The following KANSL1 variants were observed in gnomAD, a reference collection of about 807,000 sequenced individuals.
The protein encoded by KANSL1 is KAT8 regulatory NSL complex subunit 1, also known as MLL1/MLL complex subunit KANSL1.
KANSL1 carries 22 observed loss-of-function variants against 103.6 expected under a neutral mutation model. The observed-to-expected ratio is 0.21, with a 90% CI of 0.15 to 0.30. KANSL1 has a LOEUF of 0.30. Ranked by LOEUF, KANSL1 falls within the 10% of genes least tolerant of loss-of-function variation. The pLI, the probability that KANSL1 is intolerant of heterozygous loss-of-function variation, is 1.00. For missense variants in KANSL1, 1,337 were observed against 1,399.8 expected (o/e 0.96, Z 0.72); for synonymous variants, 600 against 527.6 (o/e 1.14, Z -1.88).
intron 4 of KANSL1, among the ~76,000 whole-genome samples, chr17:46,078,224 C>G (rs2078859880): frequency 6.6e-6 from 1 of 152,198 alleles, no homozygotes; most frequent in Admixed American, 6.5e-5. Context: ...TTCTTTAACT[C>G]TTTAAGTGTG....
intron 1 of KANSL1, among the ~76,000 whole-genome samples, chr17:46,184,965 G>C (rs1006644264): frequency 1.3e-5 from 2 of 151,164 alleles, no homozygotes; most frequent in African/African-American, 4.9e-5. Flanking sequence ...TCAGCCTCCT[G>C]AGTAGCTGGG....
chr17:46,123,822 T>G (rs1303153138), intron 2 of KANSL1, among the ~76,000 whole-genome samples: 1 of 152,244 alleles, frequency 6.6e-6, no homozygotes, highest in African/African-American at 2.4e-5. Context: ...ATGGAGAAGC[T>G]GTGGCAAGTT....
At chr17:46,066,788 A>G in intron 5 of KANSL1, 56 bp from the exon 6 acceptor site, 1 of 1,268,044 alleles carries the variant, frequency 7.9e-7, no homozygotes, top group African/African-American at 1.5e-5. Flanking sequence ...AAAATAAATA[A>G]ACAACAAGAA....
chr17:46,126,273 C>T (rs2043552395), intron 2 of KANSL1, among the ~76,000 whole-genome samples: 1 of 152,104 alleles, frequency 6.6e-6, no homozygotes, highest in African/African-American at 2.4e-5. Context: ...GAAATCTGGT[C>T]TCTACTAAAA....
chr17:46,064,864 ATTTT>A (rs1020726128), intron 6 of KANSL1, among the ~76,000 whole-genome samples: 3 of 145,492 alleles, frequency 2.1e-5, no homozygotes, highest in African/African-American at 7.3e-5. Context: ...TCTCTCCAGG[ATTTT>A]TTTTAATTAA....
chr17:46,138,663 T>C (rs556248061), intron 2 of KANSL1, among the ~76,000 whole-genome samples: 3 of 152,382 alleles, frequency 2.0e-5, no homozygotes, highest in Non-Finnish European at 2.9e-5. Flanking sequence ...CTTTCAGTTC[T>C]GTAAATCAAC....
chr17:46,071,612 T>C (rs546107554), intron 4 of KANSL1, among the ~76,000 whole-genome samples: 1 of 152,212 alleles, frequency 6.6e-6, no homozygotes, highest in African/African-American at 2.4e-5. Context: ...TTAAGAAATA[T>C]TAAATCCGCA....
At chr17:46,031,916 T>C (rs980693310) in intron 14 of KANSL1, 131 bp downstream of exon 14, 11 of 1,306,134 alleles carry the variant, frequency 8.4e-6, no homozygotes, top group African/African-American at 7.3e-5. Context: ...GTTGAGGAGA[T>C]CAATTTAAGT....
chr17:46,086,185 A>C (rs1380716097), intron 3 of KANSL1, among the ~76,000 whole-genome samples: 1 of 152,142 alleles, frequency 6.6e-6, no homozygotes, highest in Non-Finnish European at 1.5e-5. Flanking sequence ...GTAAGGACGC[A>C]GTCAGTATTT....
At chr17:46,165,488 T>C (rs938978604) in intron 2 of KANSL1, among the ~76,000 whole-genome samples, 1 of 151,890 alleles carries the variant, frequency 6.6e-6, no homozygotes, top group African/African-American at 2.4e-5. Flanking sequence ...CACCTCAGCC[T>C]CCCAAAGTGC....
chr17:46,167,321 A>C (rs560075980), intron 2 of KANSL1, among the ~76,000 whole-genome samples: 2 of 152,224 alleles, frequency 1.3e-5, no homozygotes, highest in African/African-American at 4.8e-5. Flanking sequence ...AAAAGAAAGA[A>C]GAGCAAGCAC....
chr17:46,081,148 T>G (rs1346860735), intron 4 of KANSL1, among the ~76,000 whole-genome samples: 7 of 152,186 alleles, frequency 4.6e-5, no homozygotes, highest in Non-Finnish European at 8.8e-5. Flanking sequence ...TGCCCTGTCC[T>G]TCAGAAGTGC....
intron 1 of KANSL1, among the ~76,000 whole-genome samples, chr17:46,205,426 A>C (rs184963751): frequency 1.3e-5 from 2 of 152,226 alleles, no homozygotes; most frequent in East Asian, 1.9e-4. Flanking sequence ...TCACACCTGT[A>C]ATCCCAGCAC....
intron 1 of KANSL1, among the ~76,000 whole-genome samples, chr17:46,220,508 G>A (rs1399982652): frequency 5.3e-5 from 8 of 152,164 alleles, no homozygotes; most frequent in Non-Finnish European, 7.3e-5. Flanking sequence ...GAGCCACTGC[G>A]CCCAGCTAAA....
intron 2 of KANSL1, chr17:46,153,056 G>A (rs536447237): frequency 1.3e-5 from 2 of 152,372 alleles, no homozygotes; most frequent in African/African-American, 2.4e-5. Context: ...AAAGGGCTTA[G>A]GGAAGACAGC....
chr17:46,090,311 G>C (rs768324466), intron 3 of KANSL1, among the ~76,000 whole-genome samples: 16 of 152,316 alleles, frequency 1.1e-4, no homozygotes, highest in South Asian at 4.1e-4. Context: ...AGAACGGTGA[G>C]AGAACACATT....
intron 2 of KANSL1, among the ~76,000 whole-genome samples, chr17:46,156,220 G>A (rs555976552): frequency 1.3e-5 from 2 of 152,272 alleles, no homozygotes; most frequent in Non-Finnish European, 2.9e-5. Flanking sequence ...GGTAGTTCAT[G>A]CCTGTAATCC....
chr17:46,157,752 T>C (rs2045505595), intron 2 of KANSL1, among the ~76,000 whole-genome samples: 1 of 152,266 alleles, frequency 6.6e-6, no homozygotes. Context: ...CAATTTCATA[T>C]ACAGTTGGGC....
upstream of KANSL1, chr17:46,193,683 G>T (rs753870870): frequency 1.4e-4 from 42 of 303,190 alleles, no homozygotes; most frequent in South Asian, 9.0e-4. Context: ...CCCCGGACGT[G>T]CGGCGACGGC....
Sources: allele counts gnomAD v4.1 joint callset (sites outside exome capture counted in the v4.1 genomes callset), GRCh38; gene constraint gnomAD v4.1.1; transcripts MANE v1.5; gene names NCBI Gene and HGNC (gene_info 2026-07-23, HGNC 2026-07-21).